The following METTL16 variants were observed in gnomAD, a reference collection of about 807,000 sequenced individuals.
METTL16 encodes the protein RNA N(6)-adenosine-methyltransferase METTL16.
A neutral mutation model predicts 57.9 loss-of-function variants in METTL16; 19 were observed. That is an observed-to-expected ratio of 0.33 (90% confidence interval 0.23 to 0.48). METTL16 has a LOEUF of 0.48. Ranked by LOEUF, METTL16 falls within the 20% of genes least tolerant of loss-of-function variation. METTL16 has a pLI of 0.99. For missense variants in METTL16, 434 were observed against 691.5 expected, an observed-to-expected ratio of 0.63 and a Z score of 4.18; for synonymous variants, 246 against 255.6, an observed-to-expected ratio of 0.96 and a Z score of 0.36.
intron 4 of METTL16, among the ~76,000 whole-genome samples, chr17:2,468,918 TG>T (rs561072758): frequency 0.033 from 2,890 of 88,690 alleles, 74 homozygotes; most frequent in African/African-American, 0.12. Context: ...TTTGTTGTTG[TG>T]TGTGTGTGTT....
chr17:2,448,867 AAAT>A (rs992942146), intron 6 of METTL16, among the ~76,000 whole-genome samples: 2 of 149,252 alleles, frequency 1.3e-5, no homozygotes, highest in African/African-American at 4.9e-5. Context: ...TCTCTACTAA[AAAT>A]ACAAAAATTA....
At chr17:2,447,577 G>C (rs572271515) in intron 6 of METTL16, among the ~76,000 whole-genome samples, 2 of 80,038 alleles carry the variant, frequency 2.5e-5, no homozygotes, top group Admixed American at 2.2e-4. Context: ...GGAGGGAGGT[G>C]GGGGGGGTCA....
chr17:2,504,850 A>G (rs1372733958), intron 1 of METTL16, among the ~76,000 whole-genome samples: 1 of 152,078 alleles, frequency 6.6e-6, no homozygotes, highest in Non-Finnish European at 1.5e-5. Flanking sequence ...ACGACTACAG[A>G]CATGAACCAT....
At chr17:2,495,946 TA>T (rs1275590763) in intron 2 of METTL16, among the ~76,000 whole-genome samples, 1 of 150,938 alleles carries the variant, frequency 6.6e-6, no homozygotes, top group East Asian at 2.0e-4. Flanking sequence ...TTGTCTCTAC[TA>T]AAAAATACAA....
chr17:2,426,046 A>C (rs1181233642), intron 8 of METTL16, among the ~76,000 whole-genome samples: 1 of 151,802 alleles, frequency 6.6e-6, no homozygotes, highest in African/African-American at 2.4e-5. Context: ...AAAAAAAAAA[A>C]AGCCACAGGC....
At chr17:2,444,229 C>T (rs1427031828) in intron 6 of METTL16, among the ~76,000 whole-genome samples, 1 of 152,082 alleles carries the variant, frequency 6.6e-6, no homozygotes, top group African/African-American at 2.4e-5. Flanking sequence ...GGCGGCAGAT[C>T]ACTTGAGGCC....
chr17:2,473,260 T>C (rs2067246710), intron 4 of METTL16, among the ~76,000 whole-genome samples: 1 of 152,190 alleles, frequency 6.6e-6, no homozygotes, highest in Admixed American at 6.5e-5. Context: ...CAAGAAAATC[T>C]ACTAAAATAA....
At chr17:2,422,362 C>T (rs985708002) in intron 8 of METTL16, among the ~76,000 whole-genome samples, 6 of 151,042 alleles carry the variant, frequency 4.0e-5, no homozygotes, top group African/African-American at 1.5e-4. Flanking sequence ...AAAACCAATG[C>T]CACCACTGTA....
chr17:2,428,590 TA>T (rs1202141789), intron 8 of METTL16, among the ~76,000 whole-genome samples: 2,690 of 42,208 alleles, frequency 0.064, 324 homozygotes, highest in East Asian at 0.55. Flanking sequence ...TATATATATA[TA>T]TATATATATA....
intron 1 of METTL16, among the ~76,000 whole-genome samples, chr17:2,503,666 A>G (rs1453404158): frequency 6.6e-6 from 1 of 152,128 alleles, no homozygotes; most frequent in African/African-American, 2.4e-5. Context: ...ATGGATCAAC[A>G]AAAGATGGTA....
chr17:2,465,361 G>A (rs142835516), intron 5 of METTL16, among the ~76,000 whole-genome samples: 1 of 151,618 alleles, frequency 6.6e-6, no homozygotes, highest in Non-Finnish European at 1.5e-5. Flanking sequence ...GGCTAACAAA[G>A]TGAAACCCCA....
At position 2,496,179 on chromosome 17, in the gene METTL16, G is replaced by A. The variant is rs928183481; in HGVS notation, c.128+6025C>T. Among the ~76,000 whole-genome samples, 5 of 151,546 alleles carry A rather than the reference G, an allele frequency of 3.3e-5. No homozygotes were observed. In the South Asian group the frequency reaches 6.2e-4, roughly 19 times the overall value. On this transcript the variant is annotated intron_variant, in intron 2 of 9. Coordinates refer to ENST00000263092, the MANE Select transcript of METTL16 (RefSeq NM_024086.4). ...AAAGAAAAAACATCCTACACAAATAGTATTTTTATCTAATTGTGTTCAAGG... is the reference window on the plus strand; with the variant it reads ...AAAGAAAAAACATCCTACACAAATAATATTTTTATCTAATTGTGTTCAAGG...
intron 8 of METTL16, among the ~76,000 whole-genome samples, chr17:2,421,317 C>T (rs1170354288): frequency 7.2e-5 from 11 of 151,954 alleles, no homozygotes; most frequent in Admixed American, 6.6e-4. Context: ...ATTGCGCCAC[C>T]GCAATCTAGC....
intron 6 of METTL16, among the ~76,000 whole-genome samples, chr17:2,451,982 C>T (rs2067074385): frequency 1.3e-5 from 2 of 151,712 alleles, no homozygotes; most frequent in Admixed American, 6.6e-5. Flanking sequence ...CCCATCTCTA[C>T]AAAAAATAGC....
rs145879380 is a variant in METTL16 at position 2,418,984 on chromosome 17, G to C, written c.*986C>G. The C allele has an allele frequency of 6.6e-6, 1 of 152,296 alleles. No individual in the cohort carries two copies. The highest frequency in any genetic ancestry group is 1.5e-5 in the Non-Finnish European group (1 of 68,160). 9.4% of individuals were successfully genotyped at this position (152,296 alleles called of 1,614,324 possible). ...TACTCCGGCCTCAGAACTCTCCAATGTGAGTAGGTAAGTACAGGGGGGATT... is the reference window on the plus strand; with the variant it reads ...TACTCCGGCCTCAGAACTCTCCAATCTGAGTAGGTAAGTACAGGGGGGATT... On this transcript the variant is annotated 3_prime_UTR_variant, in exon 10 of 10. Coordinates refer to ENST00000263092, the MANE Select transcript of METTL16 (RefSeq NM_024086.4).
Position 2,503,342 on chromosome 17 carries a change from G to A in METTL16, c.1-1011C>T, listed in dbSNP as rs185803088. ...TCCATACACTAAATATGAAAATACG[G>A]TATATCCATATAATAAATATGGGTC... On this transcript the variant is annotated intron_variant, in intron 1 of 9. Transcript: ENST00000263092. 5.4e-5 allele frequency among the ~76,000 whole-genome samples: 8 copies of A among 148,732 alleles called. No homozygotes were observed. The East Asian group carries it at 1.6e-3, about 30-fold the overall frequency.
chr17:2,482,055 C>A (rs1196276764), intron 2 of METTL16, among the ~76,000 whole-genome samples: 1 of 152,128 alleles, frequency 6.6e-6, no homozygotes, highest in Non-Finnish European at 1.5e-5. Flanking sequence ...GCCAAACTTA[C>A]TTTGATTATA....
intron 6 of METTL16, among the ~76,000 whole-genome samples, chr17:2,450,230 A>C (rs2067058437): frequency 6.6e-6 from 1 of 152,230 alleles, no homozygotes; most frequent in African/African-American, 2.4e-5. Flanking sequence ...AATGTCCTTC[A>C]ACTGGCAAAT....
chr17:2,447,219 A>G (rs1241157825), intron 6 of METTL16, among the ~76,000 whole-genome samples: 30 of 139,648 alleles, frequency 2.1e-4, no homozygotes, highest in African/African-American at 7.4e-4. Flanking sequence ...TGTGGGGAGC[A>G]CCTCTGACCC....
Sources: allele counts gnomAD v4.1 joint callset (sites outside exome capture counted in the v4.1 genomes callset), GRCh38; gene constraint gnomAD v4.1.1; transcripts MANE v1.5; gene names NCBI Gene and HGNC (gene_info 2026-07-23, HGNC 2026-07-21).